CDON: variants seen among roughly 807,000 people sequenced by gnomAD.
CDON encodes the protein cell adhesion molecule-related/down-regulated by oncogenes.
A neutral mutation model predicts 120.9 loss-of-function variants in CDON; 73 were observed. That is an observed-to-expected ratio of 0.60 (90% CI 0.50 to 0.73). The LOEUF is 0.73. Ranked by LOEUF, CDON falls within the 30% of genes least tolerant of loss-of-function variation. The pLI is 0.00. For missense variants in CDON, 1,470 were observed against 1,587.3 expected, an observed-to-expected ratio of 0.93 and a Z score of 1.26; for synonymous variants, 566 against 573.5, an observed-to-expected ratio of 0.99 and a Z score of 0.19.
chr11:125,998,402 C>A (rs893022303), intron 11 of CDON, among the ~76,000 whole-genome samples: 1 of 152,086 alleles, frequency 6.6e-6, no homozygotes, highest in Non-Finnish European at 1.5e-5. Flanking sequence ...TTGATTCACA[C>A]GAGAGCTGGT....
chr11:125,963,843 T>C (rs1162643098), intron 18 of CDON, among the ~76,000 whole-genome samples: 1 of 152,176 alleles, frequency 6.6e-6, no homozygotes, highest in East Asian at 1.9e-4. Flanking sequence ...ACCTATGTGT[T>C]TCCACACATG....
At chr11:126,003,566 A>T (rs1407250812) in intron 10 of CDON, among the ~76,000 whole-genome samples, 2 of 152,192 alleles carry the variant, frequency 1.3e-5, no homozygotes, top group Non-Finnish European at 2.9e-5. Context: ...CACGCCTATA[A>T]TCCCAGCACT....
chr11:125,968,518 C>T (rs528237434), intron 18 of CDON, among the ~76,000 whole-genome samples: 4 of 152,226 alleles, frequency 2.6e-5, no homozygotes, highest in African/African-American at 9.6e-5. Context: ...AGCTAACAGG[C>T]GTATGAAATA....
Position 125,956,933 on chromosome 11 carries a change from T to C in CDON, c.*4009A>G. The stretch of plus-strand genomic sequence containing the variant: ...GCTTATTTAAATATGGGAAATAAAA[T>C]ACAAAAGGGCCACACCCGATGCAAA... On this transcript the variant is annotated 3_prime_UTR_variant, in exon 20 of 20. Coordinates refer to ENST00000531738, the MANE Select transcript of CDON (RefSeq NM_001378964.1). 1 of 862,514 alleles carries C rather than the reference T, an allele frequency of 1.2e-6. No individual in the cohort carries two copies. The highest frequency in any genetic ancestry group is 1.4e-6 in the Non-Finnish European group (1 of 717,894). 53.4% of individuals were successfully genotyped at this position (862,514 alleles called of 1,614,324 possible).
At chr11:126,029,624 G>C (rs1353589524) in intron 1 of CDON, among the ~76,000 whole-genome samples, 1 of 152,030 alleles carries the variant, frequency 6.6e-6, no homozygotes, top group African/African-American at 2.4e-5. Context: ...GAAGAGGTTA[G>C]AATTTGAATT....
Position 126,010,574 on chromosome 11 carries a change from T to C in CDON, c.1319A>G (p.Asp440Gly). The C allele has an allele frequency of 6.2e-7, 1 of 1,614,120 alleles. No individual in the cohort carries two copies. Among genetic ancestry groups the C allele is most frequent in the Non-Finnish European group, 8.5e-7 (1 of 1,179,992 alleles). Residue 440 changes from aspartate (D) to glycine (G), a missense_variant, in exon 8 of 20, where the codon GAC (aspartate) becomes GGC (glycine). Asp to Gly is a moderately conservative substitution (Grantham distance 94). Transcript: ENST00000531738. ...GLPVPVIRWY[D>G]SHGLITSHPS... The stretch of plus-strand genomic sequence containing the variant: ...ATGGCTGGTTATCAATCCATGGCTG[T>C]CATACCAACGAATGACCGGAACCGG...
At chr11:126,014,337 T>G (rs1293161289) in intron 7 of CDON, among the ~76,000 whole-genome samples, 1 of 152,178 alleles carries the variant, frequency 6.6e-6, no homozygotes, top group Non-Finnish European at 1.5e-5. Context: ...CAACTTTACT[T>G]GTAATAAAAG....
chr11:126,009,588 C>A (rs1459835893), intron 8 of CDON, among the ~76,000 whole-genome samples: 6 of 152,174 alleles, frequency 3.9e-5, no homozygotes, highest in African/African-American at 1.4e-4. Flanking sequence ...CACGCTAAGC[C>A]CCTTAAAGCA....
intron 1 of CDON, among the ~76,000 whole-genome samples, chr11:126,052,833 AAAAAATT>A (rs1363289220): frequency 1.3e-5 from 2 of 152,130 alleles, no homozygotes; most frequent in African/African-American, 4.8e-5. Flanking sequence ...AAAAAAAAAA[AAAAAATT>A]AAAAATTAAA....
intron 17 of CDON, among the ~76,000 whole-genome samples, chr11:125,978,716 T>C (rs1405419956): frequency 6.6e-6 from 1 of 152,218 alleles, no homozygotes; most frequent in East Asian, 1.9e-4. Context: ...CAAAATACAT[T>C]ATATGTTATA....
Position 125,984,018 on chromosome 11 carries a change from C to T in CDON, c.2849G>A (p.Gly950Glu). The T allele has an allele frequency of 6.2e-7, 1 of 1,614,074 alleles. No homozygotes were observed. Among genetic ancestry groups the T allele is most frequent in the South Asian group, 1.1e-5 (1 of 91,076 alleles). ...STPPNSLGSG[G>E]NVGPATSPAR... Reference sequence around the variant, plus strand: ...AGGGCTGGTTGCAGGCCCCACATTTCCTCCACTTCCCAAAGAATTTGGAGG... The same window carrying T: ...AGGGCTGGTTGCAGGCCCCACATTTTCTCCACTTCCCAAAGAATTTGGAGG... Residue 950 changes from glycine (G) to glutamate (E), a missense_variant, in exon 16 of 20, where the codon GGA becomes GAA. By Grantham distance (98) the Gly-to-Glu change is moderately conservative. Coordinates refer to ENST00000531738, the MANE Select transcript of CDON (RefSeq NM_001378964.1).
intron 1 of CDON, among the ~76,000 whole-genome samples, chr11:126,060,261 TTCTGTTTCTAA>T (rs1948764308): frequency 6.6e-6 from 1 of 152,154 alleles, no homozygotes; most frequent in Non-Finnish European, 1.5e-5. Flanking sequence ...ATACTCCAAA[TTCTGTTTCTAA>T]TCTAATTAGT....
At chr11:126,037,713 T>C (rs1948138452) in intron 1 of CDON, among the ~76,000 whole-genome samples, 1 of 152,166 alleles carries the variant, frequency 6.6e-6, no homozygotes, top group Admixed American at 6.5e-5. Context: ...TAAAACAATA[T>C]ATTTAAAACA....
At chr11:126,050,292 A>C (rs1264283517) in intron 1 of CDON, among the ~76,000 whole-genome samples, 1 of 152,106 alleles carries the variant, frequency 6.6e-6, no homozygotes, top group Non-Finnish European at 1.5e-5. Flanking sequence ...CAACTGTGCA[A>C]TTATAACCTA....
intron 1 of CDON, among the ~76,000 whole-genome samples, chr11:126,059,429 G>C (rs1252469402): frequency 6.6e-6 from 1 of 152,082 alleles, no homozygotes; most frequent in African/African-American, 2.4e-5. Flanking sequence ...CTTGATTTTA[G>C]ATCTGCCAAC....
intron 18 of CDON, among the ~76,000 whole-genome samples, chr11:125,971,767 G>A (rs892453583): frequency 3.3e-5 from 5 of 151,960 alleles, no homozygotes; most frequent in South Asian, 2.1e-4. Context: ...GGGGTCTCTC[G>A]GTCCGTTCAT....
At chr11:125,981,963 C>CTTTTTTTTTTTTTTT (rs1565501813) in intron 16 of CDON, among the ~76,000 whole-genome samples, 7 of 34,150 alleles carry the variant, frequency 2.0e-4, no homozygotes, top group African/African-American at 5.0e-4. Flanking sequence ...AAAAGTGATT[C>CTTTTTTTTTTTTTTT]TATTTTCTTT....
intron 13 of CDON, 106 bp downstream of exon 13, chr11:125,994,765 T>C (rs758114794): frequency 5.8e-5 from 59 of 1,009,726 alleles, no homozygotes; most frequent in Non-Finnish European, 8.2e-5. Flanking sequence ...TTCCCCTCAA[T>C]TAAAAGTTCA....
rs759201946 is a variant in CDON at position 126,023,425 on chromosome 11, T to C, written c.52A>G (p.Ile18Val). The C allele has an allele frequency of 2.5e-6, 4 of 1,612,448 alleles. No individual in the cohort carries two copies. In the South Asian group the frequency reaches 3.3e-5, roughly 13 times the overall value. Residue 18 changes from isoleucine to valine, a missense_variant, in exon 2 of 20, where the codon ATT (isoleucine) becomes GTT (valine). Coordinates refer to ENST00000531738, the MANE Select transcript of CDON (RefSeq NM_001378964.1). ...CCTGAACTCACAGAAGAGCACAGAATTGTAAGAGTAACATACAGCAGTGTA... is the reference window on the plus strand; with the variant it reads ...CCTGAACTCACAGAAGAGCACAGAACTGTAAGAGTAACATACAGCAGTGTA... ...LCTLLYVTLT[I>V]LCSSVSSDLA...
Sources: gnomAD v4.1 joint callset for allele counts (sites outside exome capture counted in the v4.1 genomes callset) on GRCh38, gnomAD v4.1.1 for gene constraint, MANE v1.5 for transcripts, NCBI Gene and HGNC (gene_info 2026-07-23, HGNC 2026-07-21) for gene names.